Variants in STIM1 observed in about 807,000 individuals in gnomAD.
STIM1 encodes stromal interaction molecule 1.
STIM1 carries 25 observed loss-of-function variants against 74.7 expected under a neutral mutation model. That is an observed-to-expected ratio of 0.33 (90% CI 0.24 to 0.47). STIM1 has a LOEUF of 0.47. Ranked by LOEUF, STIM1 falls within the 20% of genes least tolerant of loss-of-function variation. STIM1 has a pLI of 1.00. For synonymous variants in STIM1, 328 were observed against 348.8 expected (o/e 0.94, Z 0.66); for missense variants, 728 against 920.8 (o/e 0.79, Z 2.71).
chr11:4,053,987 A>G (rs1381956308), intron 3 of STIM1, among the ~76,000 whole-genome samples: 1 of 152,344 alleles, frequency 6.6e-6, no homozygotes, highest in East Asian at 1.9e-4. Flanking sequence ...ATGCTGTCCA[A>G]TATGGTAGGC....
chr11:4,014,527 T>C (rs1190030650), intron 2 of STIM1, among the ~76,000 whole-genome samples: 1 of 152,240 alleles, frequency 6.6e-6, no homozygotes, highest in Non-Finnish European at 1.5e-5. Context: ...GTATAGTCTG[T>C]TGATTTGGCG....
chr11:3,931,590 G>A lies in STIM1; in HGVS notation c.140-35962G>A, dbSNP rs145012468. Reference sequence around the variant, plus strand: ...CATGGACCTCAGATGAAAACCTGCAGTGTTCTTATCCCTGGCTTCACACTT... The same window carrying A: ...CATGGACCTCAGATGAAAACCTGCAATGTTCTTATCCCTGGCTTCACACTT... On this transcript the variant is annotated intron_variant, in intron 1 of 12. Transcript: ENST00000526596. 3.1e-4 allele frequency among the ~76,000 whole-genome samples: 47 copies of A among 152,312 alleles called. 1 individual carries two copies. Among genetic ancestry groups the A allele is most frequent in the Admixed American group, 4.6e-4 (7 of 15,306 alleles).
At chr11:4,075,857 T>A (rs147390523) in intron 7 of STIM1, among the ~76,000 whole-genome samples, 2 of 152,342 alleles carry the variant, frequency 1.3e-5, no homozygotes, top group Admixed American at 1.3e-4. Context: ...GACCTCAGTA[T>A]TTTTAGGCAT....
chr11:4,083,085 G>A, intron 9 of STIM1, 103 bp downstream of exon 9: 1 of 1,198,208 alleles, frequency 8.3e-7, no homozygotes, highest in East Asian at 2.4e-5. Context: ...ATTGGTGGAG[G>A]GACAGCTCTG....
chr11:4,056,587 A>G (rs1008605416), intron 4 of STIM1, among the ~76,000 whole-genome samples: 1 of 152,174 alleles, frequency 6.6e-6, no homozygotes, highest in African/African-American at 2.4e-5. Flanking sequence ...CAAAGGGGAA[A>G]GGGGAAGGTG....
At chr11:3,951,167 A>G (rs745986345) in intron 1 of STIM1, among the ~76,000 whole-genome samples, 1 of 152,176 alleles carries the variant, frequency 6.6e-6, no homozygotes, top group East Asian at 1.9e-4. Flanking sequence ...TTCATTCTGG[A>G]TAGTCTCCTT....
chr11:4,021,961 T>C lies in STIM1; in HGVS notation c.271-1912T>C, dbSNP rs536389740. Among the ~76,000 whole-genome samples, 21 of 152,280 alleles carry C rather than the reference T, an allele frequency of 1.4e-4. 1 individual carries two copies. In the East Asian group the frequency reaches 4.0e-3, roughly 29 times the overall value. On this transcript the variant is annotated intron_variant, in intron 2 of 12. Coordinates refer to ENST00000526596, the MANE Select transcript of STIM1 (RefSeq NM_001382567.1). ...TTTGTAGCTATTGTAAATGGGATTT[T>C]TTTTAATTTCTTTTTCAGATTTGTT...
intron 1 of STIM1, among the ~76,000 whole-genome samples, chr11:3,953,222 C>T (rs2093169880): frequency 6.6e-6 from 1 of 152,178 alleles, no homozygotes; most frequent in Non-Finnish European, 1.5e-5. Flanking sequence ...TCTAGTGATT[C>T]TTAAACTTTA....
intron 5 of STIM1, among the ~76,000 whole-genome samples, chr11:4,062,041 A>C (rs74922306): frequency 0.011 from 1,683 of 152,254 alleles, 32 homozygotes; most frequent in African/African-American, 0.038. Context: ...AGTGATGGAA[A>C]TATTTTGGAA....
chr11:3,897,769 G>A (rs879538687), intron 1 of STIM1, among the ~76,000 whole-genome samples: 20 of 152,050 alleles, frequency 1.3e-4, no homozygotes, highest in Admixed American at 1.2e-3. Context: ...GTGGTGTTTG[G>A]TTTTTTGTTC....
At chr11:3,859,186 T>C (rs1286358733) in intron 1 of STIM1, among the ~76,000 whole-genome samples, 2 of 152,208 alleles carry the variant, frequency 1.3e-5, no homozygotes, top group Non-Finnish European at 2.9e-5. Context: ...CTAAGATTGA[T>C]TTAGTTAAAA....
In STIM1 at chr11:4,003,653, G is replaced by A. The variant is rs1425362710; in HGVS notation, c.271-20220G>A. Among the ~76,000 whole-genome samples the A allele has an allele frequency of 2.0e-5, 3 of 152,118 alleles. No individual in the cohort carries two copies. The East Asian group carries it at 5.8e-4, about 29-fold the overall frequency. On this transcript the variant is annotated intron_variant, in intron 2 of 12. Coordinates refer to ENST00000526596, the MANE Select transcript of STIM1 (RefSeq NM_001382567.1). ...TATCATACTGAATGGGCAAAAACTG[G>A]AAGCATTCCCTTTGAAAACTGGCAC...
At chr11:3,900,301 G>A (rs10767692) in intron 1 of STIM1, among the ~76,000 whole-genome samples, 40,970 of 152,070 alleles carry the variant, frequency 0.27, 6,784 homozygotes, top group East Asian at 0.4. Context: ...CGCAGTATTG[G>A]GGTGGGAGTG....
At chr11:3,902,065 GC>G (rs1462247904) in intron 1 of STIM1, among the ~76,000 whole-genome samples, 1 of 152,206 alleles carries the variant, frequency 6.6e-6, no homozygotes, top group Non-Finnish European at 1.5e-5. Flanking sequence ...AATGTGGCTG[GC>G]CCCCAACATT....
At chr11:3,978,852 C>T (rs1246963605) in intron 2 of STIM1, among the ~76,000 whole-genome samples, 1 of 152,070 alleles carries the variant, frequency 6.6e-6, no homozygotes, top group Admixed American at 6.5e-5. Flanking sequence ...TCCTGGGAGG[C>T]TGTGAGAGTT....
At chr11:3,954,234 T>C (rs2093184388) in intron 1 of STIM1, among the ~76,000 whole-genome samples, 1 of 152,206 alleles carries the variant, frequency 6.6e-6, no homozygotes, top group African/African-American at 2.4e-5. Flanking sequence ...CCTTGCCATA[T>C]TTTACTTTGT....
intron 7 of STIM1, among the ~76,000 whole-genome samples, chr11:4,078,194 G>A (rs1218541539): frequency 2.0e-5 from 3 of 152,186 alleles, no homozygotes; most frequent in Non-Finnish European, 2.9e-5. Flanking sequence ...ATCACCTCAA[G>A]CCAATCAGAG....
intron 1 of STIM1, among the ~76,000 whole-genome samples, chr11:3,871,191 GAGA>G (rs1161850725): frequency 2.6e-5 from 4 of 152,132 alleles, no homozygotes; most frequent in Admixed American, 1.3e-4. Context: ...CCTGACCAGA[GAGA>G]AGATGATTAA....
intron 1 of STIM1, chr11:3,947,624 C>A (rs2093094603): frequency 1.3e-5 from 2 of 152,146 alleles, no homozygotes; most frequent in Non-Finnish European, 2.9e-5. Flanking sequence ...GAAAGGAAGC[C>A]AAACAGCTCT....
Sources: allele counts gnomAD v4.1 joint callset (sites outside exome capture counted in the v4.1 genomes callset), GRCh38; gene constraint gnomAD v4.1.1; transcripts MANE v1.5; gene names NCBI Gene and HGNC (gene_info 2026-07-23, HGNC 2026-07-21).